RPS6KC1: variants seen among roughly 807,000 people sequenced by gnomAD.
RPS6KC1 encodes ribosomal protein S6 kinase C1, also known as inactive ribosomal protein S6 kinase delta-1.
A neutral mutation model predicts 103.8 loss-of-function variants in RPS6KC1; 54 were observed. The ratio of observed to expected loss-of-function variants is 0.52; its 90% CI spans 0.42 to 0.65. The LOEUF is 0.65. Among genes scored for constraint, RPS6KC1 ranks in the 30% least tolerant of loss-of-function variants. The probability of loss-of-function intolerance (pLI) is 0.00; values close to 1 mark genes in which losing one functional copy is unlikely to be tolerated. For synonymous variants in RPS6KC1, 439 were observed against 438.7 expected (o/e 1.00, Z -0.01); for missense variants, 1,151 against 1,253.8 (o/e 0.92, Z 1.24).
chr1:213,434,061 TTAC>T, the RPS6KC1 span, among the ~76,000 whole-genome samples: 1 of 152,090 alleles, frequency 6.6e-6, no homozygotes, highest in Non-Finnish European at 1.5e-5. Context: ...TTTTTTTTTT[TTAC>T]TGTGTATTAG....
At chr1:213,159,708 G>A (rs1383996113) in intron 6 of RPS6KC1, among the ~76,000 whole-genome samples, 2 of 152,188 alleles carry the variant, frequency 1.3e-5, no homozygotes, top group Non-Finnish European at 2.9e-5. Context: ...AATCTGTGAG[G>A]CACAGCTGCT....
chr1:213,702,118 T>A, the RPS6KC1 span, among the ~76,000 whole-genome samples: 1 of 151,968 alleles, frequency 6.6e-6, no homozygotes, highest in South Asian at 2.1e-4. Context: ...TGTGTTTCCA[T>A]TATCATCTGT....
At chr1:213,493,301 C>G in the RPS6KC1 span, among the ~76,000 whole-genome samples, 105 of 152,248 alleles carry the variant, frequency 6.9e-4, 2 homozygotes, top group South Asian at 0.022. Flanking sequence ...GTCAGGATCC[C>G]TGAGCTTTCT....
chr1:213,113,367 A>AGAAGT (rs1463786989), intron 4 of RPS6KC1, among the ~76,000 whole-genome samples: 1 of 152,110 alleles, frequency 6.6e-6, no homozygotes, highest in Non-Finnish European at 1.5e-5. Flanking sequence ...TCTTCTTTTG[A>AGAAGT]GAAGTGTCTG....
intron 5 of RPS6KC1, among the ~76,000 whole-genome samples, chr1:213,126,078 A>G (rs2084958650): frequency 1.3e-5 from 2 of 152,232 alleles, no homozygotes; most frequent in East Asian, 1.9e-4. Flanking sequence ...GTGATTAGCT[A>G]TATAAACCAG....
chr1:213,538,726 G>T, the RPS6KC1 span, among the ~76,000 whole-genome samples: 3 of 152,154 alleles, frequency 2.0e-5, no homozygotes, highest in Admixed American at 6.5e-5. Flanking sequence ...TTTGCTCTGT[G>T]CACTAGTACT....
the RPS6KC1 span, among the ~76,000 whole-genome samples, chr1:213,663,215 A>G: frequency 1.3e-5 from 2 of 152,188 alleles, no homozygotes; most frequent in Admixed American, 1.3e-4. Flanking sequence ...TACTATTACT[A>G]TTTATTGTGT....
At chr1:213,855,084 C>G in the RPS6KC1 span, among the ~76,000 whole-genome samples, 1 of 152,196 alleles carries the variant, frequency 6.6e-6, no homozygotes, top group African/African-American at 2.4e-5. Context: ...GGATGCTAGC[C>G]CCATCAGGGA....
chr1:213,678,563 C>T, the RPS6KC1 span, among the ~76,000 whole-genome samples: 1 of 152,230 alleles, frequency 6.6e-6, no homozygotes, highest in Non-Finnish European at 1.5e-5. Context: ...AAACTTCCCA[C>T]ACCTGGCTGA....
chr1:213,067,011 G>C (rs370171490), intron 1 of RPS6KC1, among the ~76,000 whole-genome samples: 46 of 152,244 alleles, frequency 3.0e-4, no homozygotes, highest in African/African-American at 1.1e-3. Flanking sequence ...TTGGAGAAGC[G>C]AATCAGAAAC....
At chr1:213,437,456 T>G in the RPS6KC1 span, among the ~76,000 whole-genome samples, 2 of 152,032 alleles carry the variant, frequency 1.3e-5, no homozygotes, top group African/African-American at 4.8e-5. Context: ...TAACCGCTTG[T>G]TTTTTTACTC....
chr1:213,174,553 C>G (rs2091725489), intron 7 of RPS6KC1, among the ~76,000 whole-genome samples: 1 of 151,646 alleles, frequency 6.6e-6, no homozygotes, highest in Admixed American at 6.6e-5. Context: ...GCCTATAATC[C>G]CAGCTACTCA....
the RPS6KC1 span, among the ~76,000 whole-genome samples, chr1:213,349,684 A>T: frequency 1.3e-5 from 2 of 152,212 alleles, no homozygotes; most frequent in Non-Finnish European, 2.9e-5. Context: ...CTTCTCAAAC[A>T]CAAAAGCACA....
chr1:213,632,150 A>T, the RPS6KC1 span, among the ~76,000 whole-genome samples: 1 of 152,088 alleles, frequency 6.6e-6, no homozygotes, highest in Non-Finnish European at 1.5e-5. Flanking sequence ...TTGTTTATTC[A>T]CTCACCCAAT....
intron 8 of RPS6KC1, among the ~76,000 whole-genome samples, chr1:213,202,201 T>C (rs918696483): frequency 3.9e-5 from 6 of 152,112 alleles, no homozygotes; most frequent in African/African-American, 1.2e-4. Flanking sequence ...TTGATTATTA[T>C]AACATTTATA....
the RPS6KC1 span, among the ~76,000 whole-genome samples, chr1:213,780,380 G>C: frequency 2.6e-5 from 4 of 152,292 alleles, no homozygotes; most frequent in South Asian, 6.2e-4. Context: ...GACAGCACAA[G>C]GTGGGGACAG....
the RPS6KC1 span, among the ~76,000 whole-genome samples, chr1:213,792,126 C>T: frequency 1.3e-5 from 2 of 152,164 alleles, no homozygotes; most frequent in Non-Finnish European, 2.9e-5. Flanking sequence ...TGCTCTACCG[C>T]CCATGGTGCA....
chr1:213,537,556 T>C, the RPS6KC1 span, among the ~76,000 whole-genome samples: 1 of 152,206 alleles, frequency 6.6e-6, no homozygotes, highest in South Asian at 2.1e-4. Context: ...GCCTGCTGCT[T>C]GACACAGAAG....
At chr1:213,165,739 TAG>T (rs1372096081) in intron 6 of RPS6KC1, among the ~76,000 whole-genome samples, 12 of 152,184 alleles carry the variant, frequency 7.9e-5, no homozygotes. Context: ...ATGTTTTTAG[TAG>T]AGACTGGGTT....
Sources: allele counts gnomAD v4.1 joint callset (sites outside exome capture counted in the v4.1 genomes callset), GRCh38; gene constraint gnomAD v4.1.1; transcripts MANE v1.5; gene names NCBI Gene and HGNC (gene_info 2026-07-23, HGNC 2026-07-21).